LRP1B: variants seen among roughly 807,000 people sequenced by gnomAD.
LRP1B encodes the protein LDL receptor related protein 1B, also known as low-density lipoprotein receptor-related protein 1B.
A neutral mutation model predicts 556.6 loss-of-function variants in LRP1B; 217 were observed. The ratio of observed to expected loss-of-function variants is 0.39; its 90% CI spans 0.35 to 0.44. The LOEUF (loss-of-function observed/expected upper bound fraction) is 0.44, where lower values mean the gene tolerates loss of function less well. Ranked by LOEUF, LRP1B falls within the 20% of genes least tolerant of loss-of-function variation. LRP1B has a pLI of 1.00. For missense variants in LRP1B, 5,053 were observed against 5,620.8 expected (o/e 0.90, Z 3.23); for synonymous variants, 2,047 against 1,865.8 (o/e 1.10, Z -2.50).
At chr2:140,812,560 A>G (rs910644653) in intron 32 of LRP1B, among the ~76,000 whole-genome samples, 3 of 151,932 alleles carry the variant, frequency 2.0e-5, no homozygotes, top group East Asian at 3.9e-4. Flanking sequence ...TTATTAACAT[A>G]TACTCATGAA....
chr2:141,740,184 G>A (rs1002123854), intron 2 of LRP1B, among the ~76,000 whole-genome samples: 1 of 151,956 alleles, frequency 6.6e-6, no homozygotes, highest in African/African-American at 2.4e-5. Flanking sequence ...GACAAATTTT[G>A]TTATATTTTT....
chr2:142,055,207 T>C (rs1300065276), intron 1 of LRP1B, among the ~76,000 whole-genome samples: 1 of 151,642 alleles, frequency 6.6e-6, no homozygotes, highest in Non-Finnish European at 1.5e-5. Flanking sequence ...CTATACGTAA[T>C]ATGAAAAAAA....
At chr2:140,882,985 T>A (rs1693520731) in intron 25 of LRP1B, among the ~76,000 whole-genome samples, 2 of 152,178 alleles carry the variant, frequency 1.3e-5, no homozygotes, top group African/African-American at 4.8e-5. Flanking sequence ...TCAACAGGAA[T>A]AACAAAGCAT....
chr2:141,538,939 G>A (rs143004197), intron 2 of LRP1B, among the ~76,000 whole-genome samples: 12 of 152,184 alleles, frequency 7.9e-5, no homozygotes, highest in African/African-American at 2.6e-4. Flanking sequence ...GTCCCTGGCC[G>A]AAAGAAACAT....
chr2:141,148,822 G>A (rs76551404), intron 7 of LRP1B, among the ~76,000 whole-genome samples: 2 of 152,094 alleles, frequency 1.3e-5, no homozygotes, highest in Admixed American at 6.5e-5. Flanking sequence ...GGTGGTTCAC[G>A]CCTGTAATCC....
intron 27 of LRP1B, among the ~76,000 whole-genome samples, chr2:140,861,914 CT>C (rs1359623563): frequency 3.3e-5 from 5 of 152,184 alleles, no homozygotes; most frequent in African/African-American, 1.2e-4. Context: ...CACGCTTTCT[CT>C]TTTTGTCCTG....
At chr2:141,188,345 C>T (rs1681352919) in intron 7 of LRP1B, 76 bp downstream of exon 7, 1 of 1,403,086 alleles carries the variant, frequency 7.1e-7, no homozygotes, top group Non-Finnish European at 9.9e-7. Flanking sequence ...TTTTCCACAA[C>T]AACACTTGTC....
At chr2:140,848,855 C>T (rs1050689307) in intron 29 of LRP1B, among the ~76,000 whole-genome samples, 5 of 152,022 alleles carry the variant, frequency 3.3e-5, no homozygotes, top group South Asian at 2.1e-4. Flanking sequence ...TAGAACTCCA[C>T]CATGACATGT....
intron 2 of LRP1B, among the ~76,000 whole-genome samples, chr2:141,547,478 C>A (rs1190305846): frequency 1.3e-5 from 2 of 152,130 alleles, no homozygotes; most frequent in African/African-American, 4.8e-5. Flanking sequence ...TGTTGCCAAC[C>A]CAGTGATGTC....
At chr2:140,491,513 A>T (rs1476917857) in intron 57 of LRP1B, among the ~76,000 whole-genome samples, 1 of 152,140 alleles carries the variant, frequency 6.6e-6, no homozygotes, top group Non-Finnish European at 1.5e-5. Context: ...TCATATCCCA[A>T]GAAAGATAAT....
intron 2 of LRP1B, among the ~76,000 whole-genome samples, chr2:141,587,330 T>C (rs17791242): frequency 0.08 from 12,166 of 152,250 alleles, 570 homozygotes; most frequent in South Asian, 0.14. Flanking sequence ...CATCATATAG[T>C]TGAAAAAGCA....
In LRP1B at chr2:141,030,375, G is replaced by A. The variant is rs1371274409; in HGVS notation, c.1790-10273C>T. ...TCTATATCTTTTTTATCTTGAAAAA[G>A]GGTACTTTTTGTTTTTTACCTGAAA... is the stretch of plus-strand genomic sequence containing the variant. On this transcript the variant is annotated intron_variant, in intron 11 of 90. Transcript: ENST00000389484. 4.0e-5 allele frequency among the ~76,000 whole-genome samples: 6 copies of A among 151,850 alleles called. No homozygotes were observed. The East Asian group carries it at 1.2e-3, about 29-fold the overall frequency.
At chr2:142,108,264 C>A (rs1260806623) in intron 1 of LRP1B, among the ~76,000 whole-genome samples, 1 of 151,964 alleles carries the variant, frequency 6.6e-6, no homozygotes, top group Non-Finnish European at 1.5e-5. Flanking sequence ...TTTTAGAGCT[C>A]TACCGTTATG....
At chr2:140,583,171 C>CTTTTTTTTTTTTTTTTT (rs1219194754) in intron 43 of LRP1B, among the ~76,000 whole-genome samples, 2 of 48,022 alleles carry the variant, frequency 4.2e-5, no homozygotes, top group Non-Finnish European at 9.8e-5. Context: ...CCTTTTTTTT[C>CTTTTTTTTTTTTTTTTT]TTTTTTTTTT....
At chr2:141,158,286 G>A (rs1439330668) in intron 7 of LRP1B, among the ~76,000 whole-genome samples, 1 of 152,134 alleles carries the variant, frequency 6.6e-6, no homozygotes, top group African/African-American at 2.4e-5. Context: ...GTGCAGCACT[G>A]TGTAATTTGA....
At chr2:140,538,501 T>C (rs1413504373) in intron 45 of LRP1B, among the ~76,000 whole-genome samples, 1 of 152,110 alleles carries the variant, frequency 6.6e-6, no homozygotes, top group Non-Finnish European at 1.5e-5. Flanking sequence ...CCCGAGTCAA[T>C]TCACCTTATT....
At chr2:141,149,014 G>A (rs1249602398) in intron 7 of LRP1B, among the ~76,000 whole-genome samples, 1 of 152,010 alleles carries the variant, frequency 6.6e-6, no homozygotes, top group African/African-American at 2.4e-5. Context: ...ACTTAACCCT[G>A]GGAAGCAGAG....
intron 1 of LRP1B, among the ~76,000 whole-genome samples, chr2:142,037,054 C>T (rs190450934): frequency 1.3e-5 from 2 of 151,714 alleles, no homozygotes; most frequent in Non-Finnish European, 3.0e-5. Context: ...CAAAAAGGCT[C>T]GTTACTGCTG....
At chr2:142,116,219 TGAGA>T (rs138496930) in intron 1 of LRP1B, among the ~76,000 whole-genome samples, 5,105 of 117,532 alleles carry the variant, frequency 0.043, 199 homozygotes, top group African/African-American at 0.11. Flanking sequence ...AAAAAAAGAA[TGAGA>T]AAGATATCAC....
Sources: allele counts gnomAD v4.1 joint callset (sites outside exome capture counted in the v4.1 genomes callset), GRCh38; gene constraint gnomAD v4.1.1; transcripts MANE v1.5; gene names NCBI Gene and HGNC (gene_info 2026-07-23, HGNC 2026-07-21).